The following GALNT13 variants were observed in gnomAD, a reference collection of about 807,000 sequenced individuals.
The protein encoded by GALNT13 is UDP-GalNAc:polypeptide N-acetylgalactosaminyltransferase 13.
A neutral mutation model predicts 64.2 loss-of-function variants in GALNT13; 28 were observed. The observed-to-expected ratio is 0.44, with a 90% CI of 0.32 to 0.60. The LOEUF is 0.60. Ranked by LOEUF, GALNT13 falls within the 20% of genes least tolerant of loss-of-function variation. The probability of loss-of-function intolerance (pLI) is 0.05; values close to 1 mark genes in which losing one functional copy is unlikely to be tolerated. For synonymous variants in GALNT13, 214 were observed against 224.6 expected, an observed-to-expected ratio of 0.95 and a Z score of 0.42; for missense variants, 577 against 669.8, an observed-to-expected ratio of 0.86 and a Z score of 1.53.
intron 2 of GALNT13, among the ~76,000 whole-genome samples, chr2:153,914,025 AGT>A (rs1689162952): frequency 6.6e-6 from 1 of 152,136 alleles, no homozygotes; most frequent in African/African-American, 2.4e-5. Flanking sequence ...CATTAATTCT[AGT>A]GTGTTTTTCA....
At chr2:153,207,737 G>A in the GALNT13 span, among the ~76,000 whole-genome samples, 1 of 152,120 alleles carries the variant, frequency 6.6e-6, no homozygotes, top group Non-Finnish European at 1.5e-5. Context: ...AACGATGTGT[G>A]TCAATTAATT....
chr2:153,232,669 A>T, the GALNT13 span, among the ~76,000 whole-genome samples: 1 of 152,114 alleles, frequency 6.6e-6, no homozygotes, highest in Non-Finnish European at 1.5e-5. Context: ...GAAGGTAGTA[A>T]CTGAGGGGAC....
chr2:153,148,129 T>C, the GALNT13 span, among the ~76,000 whole-genome samples: 186 of 152,054 alleles, frequency 1.2e-3, 1 homozygote, highest in African/African-American at 3.9e-3. Context: ...CGCTACTTCC[T>C]TTTAAAAATT....
At chr2:154,425,725 G>A (rs1223579323) in intron 11 of GALNT13, among the ~76,000 whole-genome samples, 1 of 152,196 alleles carries the variant, frequency 6.6e-6, no homozygotes, top group African/African-American at 2.4e-5. Flanking sequence ...TTACAGAAAT[G>A]ATAACACTCG....
the GALNT13 span, among the ~76,000 whole-genome samples, chr2:153,295,237 C>T: frequency 1.3e-5 from 2 of 152,056 alleles, no homozygotes; most frequent in African/African-American, 4.8e-5. Flanking sequence ...CAGAGGGTTG[C>T]CAGATAACTT....
At chr2:154,348,822 A>T (rs2105247545) in intron 9 of GALNT13, among the ~76,000 whole-genome samples, 1 of 152,276 alleles carries the variant, frequency 6.6e-6, no homozygotes, top group Non-Finnish European at 1.5e-5. Flanking sequence ...TGTTATTCAG[A>T]GGTGAGCATT....
chr2:153,136,508 A>C, the GALNT13 span, among the ~76,000 whole-genome samples: 1 of 152,084 alleles, frequency 6.6e-6, no homozygotes, highest in South Asian at 2.1e-4. Flanking sequence ...AGGAATGCAC[A>C]GTTAGTACAA....
At chr2:153,739,540 GTATT>G in the GALNT13 span, among the ~76,000 whole-genome samples, 2 of 136,226 alleles carry the variant, frequency 1.5e-5, no homozygotes, top group East Asian at 2.1e-4. Context: ...ATTTTTTAAT[GTATT>G]TATTTTTATT....
intron 3 of GALNT13, among the ~76,000 whole-genome samples, chr2:154,110,736 A>G (rs1381877268): frequency 2.6e-5 from 4 of 152,036 alleles, no homozygotes; most frequent in Non-Finnish European, 4.4e-5. Context: ...AGACACACCC[A>G]GGATCAATAC....
At chr2:153,577,958 CTG>C in the GALNT13 span, among the ~76,000 whole-genome samples, 2,563 of 151,332 alleles carry the variant, frequency 0.017, 52 homozygotes, top group African/African-American at 0.049. Context: ...ACATAAAAGA[CTG>C]TTTTATTCTA....
At chr2:153,780,564 C>G in the GALNT13 span, among the ~76,000 whole-genome samples, 122 of 152,156 alleles carry the variant, frequency 8.0e-4, 3 homozygotes, top group East Asian at 0.022. Context: ...GAAAGAAACT[C>G]TTGCTCTGTC....
At chr2:154,291,257 C>T (rs1692611342) in intron 8 of GALNT13, among the ~76,000 whole-genome samples, 1 of 152,116 alleles carries the variant, frequency 6.6e-6, no homozygotes, top group African/African-American at 2.4e-5. Flanking sequence ...ATTTACAATA[C>T]TTTAGCTAGA....
the GALNT13 span, among the ~76,000 whole-genome samples, chr2:153,473,597 A>C: frequency 6.6e-6 from 1 of 152,176 alleles, no homozygotes; most frequent in Non-Finnish European, 1.5e-5. Context: ...CAGGTAGAAA[A>C]AATATTTGTT....
At chr2:154,146,992 T>C (rs1683644494) in intron 4 of GALNT13, among the ~76,000 whole-genome samples, 1 of 152,060 alleles carries the variant, frequency 6.6e-6, no homozygotes, top group African/African-American at 2.4e-5. Flanking sequence ...TGTGTATGCC[T>C]TTTTTCCGGT....
chr2:154,135,907 G>A (rs936710217), intron 3 of GALNT13, among the ~76,000 whole-genome samples: 1 of 152,196 alleles, frequency 6.6e-6, no homozygotes, highest in African/African-American at 2.4e-5. Context: ...AAAAGAGCAT[G>A]ATCTGGGTAA....
At chr2:153,087,797 G>A in the GALNT13 span, among the ~76,000 whole-genome samples, 1 of 152,004 alleles carries the variant, frequency 6.6e-6, no homozygotes, top group African/African-American at 2.4e-5. Flanking sequence ...TTGTATTTCT[G>A]TGGTATCAGT....
At chr2:153,650,117 C>A in the GALNT13 span, among the ~76,000 whole-genome samples, 1 of 152,142 alleles carries the variant, frequency 6.6e-6, no homozygotes, top group South Asian at 2.1e-4. Flanking sequence ...TTGTAGTTCT[C>A]TAAGGACTTG....
At chr2:153,938,367 A>G (rs116671582) in intron 2 of GALNT13, among the ~76,000 whole-genome samples, 141 of 152,294 alleles carry the variant, frequency 9.3e-4, no homozygotes, top group African/African-American at 3.2e-3. Context: ...TGTGGAGATG[A>G]CAGTATGAGG....
chr2:153,618,283 T>G, the GALNT13 span, among the ~76,000 whole-genome samples: 2 of 151,972 alleles, frequency 1.3e-5, no homozygotes, highest in African/African-American at 4.8e-5. Flanking sequence ...ATTGACCCAC[T>G]GGTCACTCAG....
Sources: allele counts gnomAD v4.1 joint callset (sites outside exome capture counted in the v4.1 genomes callset), GRCh38; gene constraint gnomAD v4.1.1; transcripts MANE v1.5; gene names NCBI Gene and HGNC (gene_info 2026-07-23, HGNC 2026-07-21).